Variants in KIF24 observed in about 807,000 individuals in gnomAD.
KIF24 encodes kinesin family member 24.
Under a neutral mutation model 118.9 loss-of-function variants are expected in KIF24, and 81 were observed. The ratio of observed to expected loss-of-function variants is 0.68; its 90% CI spans 0.57 to 0.82. The LOEUF is 0.82. Ranked by LOEUF, KIF24 falls within the 40% of genes least tolerant of loss-of-function variation. KIF24 has a pLI of 0.00. For missense variants in KIF24, 1,560 were observed against 1,661.6 expected (o/e 0.94, Z 1.06); for synonymous variants, 599 against 610.0 (o/e 0.98, Z 0.27).
chr9:34,321,840 C>T (rs1837535944), intron 1 of KIF24, among the ~76,000 whole-genome samples: 1 of 151,974 alleles, frequency 6.6e-6, no homozygotes, highest in Non-Finnish European at 1.5e-5. Context: ...CTCCTGGGCT[C>T]AAGCGATCCT....
chr9:34,321,599 T>A (rs1837525187), intron 1 of KIF24, among the ~76,000 whole-genome samples: 1 of 122,940 alleles, frequency 8.1e-6, no homozygotes, highest in Non-Finnish European at 1.8e-5. Flanking sequence ...CATACATACT[T>A]CTTCTTTTTT....
At chr9:34,312,238 A>C (rs560241176) in intron 1 of KIF24, among the ~76,000 whole-genome samples, 2 of 152,296 alleles carry the variant, frequency 1.3e-5, no homozygotes, top group East Asian at 1.9e-4. Context: ...GAATCAAATA[A>C]TTTGCCCAGG....
upstream of KIF24, among the ~76,000 whole-genome samples, chr9:34,330,616 A>G (rs749653167): frequency 5.9e-5 from 9 of 152,218 alleles, no homozygotes; most frequent in Non-Finnish European, 1.2e-4. Context: ...GATTAAGTGA[A>G]ATAATGAAGG....
At chr9:34,290,607 T>G (rs1007385165) in intron 4 of KIF24, among the ~76,000 whole-genome samples, 1 of 151,724 alleles carries the variant, frequency 6.6e-6, no homozygotes, top group Non-Finnish European at 1.5e-5. Context: ...CTTTTTTTTT[T>G]TTTTTGTTTT....
chr9:34,282,670 C>T (rs915064855), intron 6 of KIF24: 1 of 151,832 alleles, frequency 6.6e-6, no homozygotes, highest in Non-Finnish European at 1.5e-5. Context: ...AGATACTACA[C>T]TTTCTATTCT....
chr9:34,271,752 T>A (rs1835516712), intron 7 of KIF24, 57 bp downstream of exon 7: 2 of 1,591,726 alleles, frequency 1.3e-6, no homozygotes, highest in African/African-American at 2.7e-5. Context: ...AAAACATACT[T>A]CAAAGTCACA....
rs1464006742 is a variant in KIF24, at chr9:34,329,097, C to G, written c.-26+9G>C. ...CTACCCCTCCTCTATTCTCCCCGCC[C>G]TTTCTCACCTCGGTCCAAACTCCTC... On this transcript the variant is annotated intron_variant, in intron 1 of 12. Transcript: ENST00000402558. Among the ~76,000 whole-genome samples, 1 of 152,234 alleles carries G rather than the reference C, an allele frequency of 6.6e-6. No homozygotes were observed. The highest frequency in any genetic ancestry group is 1.5e-5 in the Non-Finnish European group (1 of 68,038).
intron 8 of KIF24, among the ~76,000 whole-genome samples, chr9:34,263,643 A>C (rs1019251200): frequency 6.6e-6 from 1 of 152,132 alleles, no homozygotes. Context: ...GATATAAACT[A>C]TCTGAATGGG....
chr9:34,256,964 C>G lies in KIF24; in HGVS notation c.2643G>C (p.Arg881Ser). 1 of 1,614,018 alleles carries G rather than the reference C, an allele frequency of 6.2e-7. No individual in the cohort carries two copies. The highest frequency in any genetic ancestry group is 8.5e-7 in the Non-Finnish European group (1 of 1,179,896). Reference sequence around the variant, plus strand: ...TAGTTAGATCTTTCTTGTCACCTGTCCTGGGGCTAGAAAACAGACTCTGCT... The same window carrying G: ...TAGTTAGATCTTTCTTGTCACCTGTGCTGGGGCTAGAAAACAGACTCTGCT... ...ERQQSLFSSP[R>S]TGDKKDLTKS... is the part of the protein sequence containing the mutation. The change falls in exon 11 of 13, where the codon AGG (arginine) becomes AGC (serine). Residue 881 changes from arginine (R) to serine (S), a missense_variant. Physicochemically the swap from Arg to Ser is moderately radical, Grantham distance 110. Transcript: ENST00000402558.
rs183208006 is a variant in KIF24 at position 34,301,572 on chromosome 9, G to A, written c.814-4458C>T. Among the ~76,000 whole-genome samples, 220 of 152,170 alleles carry A rather than the reference G, an allele frequency of 1.4e-3. 1 individual carries two copies. The highest frequency in any genetic ancestry group is 2.3e-3 in the Non-Finnish European group (158 of 67,994). On this transcript the variant is annotated intron_variant, in intron 3 of 12. Coordinates refer to ENST00000402558, the MANE Select transcript of KIF24 (RefSeq NM_194313.4). ...ATTATAAAAGTAACATGTGGGCCAGGCACTTGTAATCCCAGCACCTTGAAA... is the reference window on the plus strand; with the variant it reads ...ATTATAAAAGTAACATGTGGGCCAGACACTTGTAATCCCAGCACCTTGAAA...
rs1222572530 is a variant in KIF24 at position 34,318,817 on chromosome 9, C to G, written c.-25-7446G>C. The G allele has an allele frequency of 6.4e-7, 1 of 1,573,886 alleles. No homozygotes were observed. The highest frequency in any genetic ancestry group is 2.2e-5 in the East Asian group (1 of 44,658). On this transcript the variant is annotated intron_variant, in intron 1 of 12. Transcript: ENST00000402558. The surrounding 1 kb of genome is among the most constrained non-coding windows in gnomAD (Gnocchi z 4.9). ...TGTGCAGTCGCCTGTAGGGACCCAG[C>G]TCAGTGAGTTTCGCTGATGACTTCG...
chr9:34,273,462 C>T (rs1835578924), intron 6 of KIF24, among the ~76,000 whole-genome samples: 1 of 102,982 alleles, frequency 9.7e-6, no homozygotes, highest in Non-Finnish European at 2.0e-5. Flanking sequence ...TCTGGAAGCA[C>T]CAGGTACTGT....
intron 3 of KIF24, among the ~76,000 whole-genome samples, chr9:34,300,584 G>A (rs1344350430): frequency 6.6e-6 from 1 of 151,964 alleles, no homozygotes; most frequent in African/African-American, 2.4e-5. Context: ...TGGCCAGGCT[G>A]GTCTCAAGAG....
In KIF24 at chr9:34,311,363, C is replaced by G; in HGVS notation, c.-17G>C. 6.6e-7 allele frequency: 1 copy of G among 1,520,050 alleles called. No individual in the cohort carries two copies. 94.2% of individuals were successfully genotyped at this position (1,520,050 alleles called of 1,614,324 possible). On this transcript the variant is annotated 5_prime_UTR_variant, in exon 2 of 13. Coordinates refer to ENST00000402558, the MANE Select transcript of KIF24 (RefSeq NM_194313.4). ...GGATGCCATTTTGGTGAATAGGTTT[C>G]TATAAACTCTGAAGAGAGAAAGAAA...
rs1837111004 is a variant in KIF24, at chr9:34,310,873, A to G, written c.474T>C (p.Ala158=). ...HTKTGILNAT[A]GDSYVQTEIS... Reference sequence around the variant, plus strand: ...TTTCTGTTTGCACATAGGAATCACCAGCTGTGGCATTCAGAATTCCTGTTT... The same window carrying G: ...TTTCTGTTTGCACATAGGAATCACCGGCTGTGGCATTCAGAATTCCTGTTT... The change falls in exon 2 of 13, where the codon GCT becomes GCC. Residue 158 remains alanine (A), a synonymous_variant. Transcript: ENST00000402558. 2 of 1,613,932 alleles carry G rather than the reference A, an allele frequency of 1.2e-6. No individual in the cohort carries two copies. The highest frequency in any genetic ancestry group is 1.3e-5 in the African/African-American group (1 of 74,956).
chr9:34,332,033 T>C (rs2131851740), upstream of KIF24, among the ~76,000 whole-genome samples: 1 of 152,364 alleles, frequency 6.6e-6, no homozygotes, highest in South Asian at 2.1e-4. Flanking sequence ...ACTGGTCTGT[T>C]GCAATAGACT....
At chr9:34,314,430 C>T (rs999900865) in intron 1 of KIF24, among the ~76,000 whole-genome samples, 30 of 151,968 alleles carry the variant, frequency 2.0e-4, no homozygotes, top group Admixed American at 1.6e-3. Context: ...ACTCCCAAAG[C>T]GCTGGGGTTA....
chr9:34,294,230 A>T (rs1836371263), intron 4 of KIF24, among the ~76,000 whole-genome samples: 1 of 152,214 alleles, frequency 6.6e-6, no homozygotes, highest in South Asian at 2.1e-4. Context: ...TGAAATTACA[A>T]GCGTGAACCA....
chr9:34,321,445 T>C (rs1837516947), intron 1 of KIF24, among the ~76,000 whole-genome samples: 2 of 151,940 alleles, frequency 1.3e-5, no homozygotes, highest in African/African-American at 2.4e-5. Context: ...ACAGTAAAAT[T>C]AGATATGTTA....
Sources: allele counts gnomAD v4.1 joint callset (sites outside exome capture counted in the v4.1 genomes callset), GRCh38; gene constraint gnomAD v4.1.1; non-coding constraint Gnocchi (gnomAD v3.1); transcripts MANE v1.5; gene names NCBI Gene and HGNC (gene_info 2026-07-23, HGNC 2026-07-21).